The following SKP2 variants were observed in gnomAD, a reference collection of about 807,000 sequenced individuals.
SKP2 encodes the protein S-phase kinase-associated protein 2.
In SKP2, 16 loss-of-function variants were observed where a neutral mutation model predicts 51.8. The observed-to-expected ratio is 0.31, with a 90% CI of 0.21 to 0.47. The LOEUF (loss-of-function observed/expected upper bound fraction) is 0.47. SKP2 is among the 20% of genes least tolerant of loss of function. The pLI, the probability that SKP2 is intolerant of heterozygous loss-of-function variation, is 1.00. For missense variants in SKP2, 377 were observed against 505.3 expected, an observed-to-expected ratio of 0.75 and a Z score of 2.43; for synonymous variants, 176 against 198.6, an observed-to-expected ratio of 0.89 and a Z score of 0.96.
chr5:36,173,925 G>A (rs1294170361), intron 7 of SKP2, among the ~76,000 whole-genome samples: 1 of 152,134 alleles, frequency 6.6e-6, no homozygotes, highest in Non-Finnish European at 1.5e-5. Context: ...ACTTGAGCAA[G>A]TTGCTAAACT....
rs991954559 is a variant in SKP2, at chr5:36,152,150, G to C, written c.-113G>C. 2.7e-6 allele frequency: 3 copies of C among 1,115,182 alleles called. No individual in the cohort carries two copies. The highest frequency in any genetic ancestry group is 1.7e-5 in the Admixed American group (1 of 58,012). The allele number at this position is 1,115,182 out of a possible 1,614,324, so 69.1% of individuals were successfully genotyped here. A position where few individuals can be genotyped will look rare whatever the true frequency, so the allele number is the denominator to read the frequency against. On this transcript the variant is annotated 5_prime_UTR_variant, in exon 1 of 10. Transcript: ENST00000274255. ...GTTGCTAGGCTTAGCGGGTCTGGCTGCTGGGGGCCCGAGCAGCACGCTCGG... is the reference window on the plus strand; with the variant it reads ...GTTGCTAGGCTTAGCGGGTCTGGCTCCTGGGGGCCCGAGCAGCACGCTCGG...
chr5:36,162,959 G>C (rs1317317412), intron 2 of SKP2, among the ~76,000 whole-genome samples: 2 of 152,068 alleles, frequency 1.3e-5, no homozygotes, highest in African/African-American at 4.8e-5. Context: ...AGATCTTGTG[G>C]GAACTCACTT....
chr5:36,159,804 C>T (rs1241625897), intron 2 of SKP2, among the ~76,000 whole-genome samples: 1 of 152,220 alleles, frequency 6.6e-6, no homozygotes, highest in Non-Finnish European at 1.5e-5. Flanking sequence ...AAATAAACTA[C>T]TTGAAGTCAG....
In SKP2 at chr5:36,182,045, G is replaced by A. The variant is rs534948142; in HGVS notation, c.*14G>A. 1.2e-6 allele frequency: 2 copies of A among 1,613,206 alleles called. No homozygotes were observed. Among genetic ancestry groups the A allele is most frequent in the African/African-American group, 1.3e-5 (1 of 75,038 alleles). On this transcript the variant is annotated 3_prime_UTR_variant, in exon 10 of 10. Transcript: ENST00000274255. ...AGTTGTCTATGAAGTATTTATTGCA[G>A]GATGGTGTCTCTTCTTTAGAACAGG...
chr5:36,158,829 G>T (rs569536848), intron 2 of SKP2, among the ~76,000 whole-genome samples: 1 of 152,082 alleles, frequency 6.6e-6, no homozygotes, highest in African/African-American at 2.4e-5. Flanking sequence ...TTTTCTTGAA[G>T]CCCCAGCCCC....
rs929423636 is a variant in SKP2 at position 36,152,802 on chromosome 5, A to G, written c.40A>G (p.Ser14Gly). ...KHLQEIPDLS[S>G]NVATSFTWGW... ...CCTCCAGGAGATTCCAGACCTGAGT[A>G]GCAACGTTGCCACCAGCTTCACGTG... is the stretch of plus-strand genomic sequence containing the variant. Residue 14 changes from serine (S) to glycine (G), a missense_variant, in exon 2 of 10, where the codon AGC (serine) becomes GGC (glycine). By Grantham distance (56) the Ser-to-Gly change is moderately conservative (BLOSUM62 0). This residue lies in a region of SKP2 where 115 missense variants were observed against 115.5 expected (regional missense o/e 1.00). Coordinates refer to ENST00000274255, the MANE Select transcript of SKP2 (RefSeq NM_005983.4). The G allele has an allele frequency of 6.2e-7, 1 of 1,614,022 alleles. No homozygotes were observed. Among genetic ancestry groups the G allele is most frequent in the Non-Finnish European group, 8.5e-7 (1 of 1,180,006 alleles).
chr5:36,175,017 A>T (rs1035885419), intron 7 of SKP2, among the ~76,000 whole-genome samples: 3 of 152,112 alleles, frequency 2.0e-5, no homozygotes, highest in African/African-American at 7.2e-5. Flanking sequence ...GAGCAATATG[A>T]CTGACTTCAT....
intron 2 of SKP2, among the ~76,000 whole-genome samples, chr5:36,154,732 G>A (rs376051846): frequency 1.4e-4 from 22 of 152,040 alleles, no homozygotes; most frequent in Non-Finnish European, 4.4e-5. Context: ...TTGCGGGGGC[G>A]TTCTCACCAT....
chr5:36,172,578 G>A (rs1007034730), intron 7 of SKP2, among the ~76,000 whole-genome samples: 3 of 152,146 alleles, frequency 2.0e-5, no homozygotes, highest in African/African-American at 7.2e-5. Context: ...CTTGATGTTA[G>A]TACTAGCTTA....
At chr5:36,177,635 T>C (rs1745676620) in intron 9 of SKP2, among the ~76,000 whole-genome samples, 1 of 150,976 alleles carries the variant, frequency 6.6e-6, no homozygotes, top group Non-Finnish European at 1.5e-5. Context: ...TGGGTTAGTG[T>C]CTTTTTTTTT....
At chr5:36,175,352 G>A (rs2111998082) in intron 7 of SKP2, among the ~76,000 whole-genome samples, 1 of 152,158 alleles carries the variant, frequency 6.6e-6, no homozygotes, top group South Asian at 2.1e-4. Flanking sequence ...AAATTTAGAG[G>A]CCTATCTCAT....
intron 4 of SKP2, 41 bp downstream of exon 4, chr5:36,166,703 T>G: frequency 6.4e-7 from 1 of 1,555,778 alleles, no homozygotes; most frequent in Non-Finnish European, 8.8e-7. Context: ...TTTCTAAATT[T>G]CGAGGTAGAA....
At chr5:36,172,984 A>G (rs1263748292) in intron 7 of SKP2, among the ~76,000 whole-genome samples, 1 of 152,144 alleles carries the variant, frequency 6.6e-6, no homozygotes, top group African/African-American at 2.4e-5. Context: ...AATACAGAAA[A>G]ACACAAAGGG....
chr5:36,177,056 A>G (rs1173516520), intron 8 of SKP2, 40 bp downstream of exon 8: 1 of 1,463,826 alleles, frequency 6.8e-7, no homozygotes, highest in African/African-American at 1.4e-5. Context: ...AAAGTTGAAA[A>G]ATCTTGATTT....
In SKP2 at chr5:36,153,045, A is replaced by G. The variant is rs1561529235; in HGVS notation, c.280+3A>G. ...GCTAAATCGAGAGAACTTTCCAGGT[A>G]AGGACATGAGGGTAAAAATGTCAGT... is the stretch of plus-strand genomic sequence containing the variant. On this transcript the variant is annotated splice_donor_region_variant and intron_variant, in intron 2 of 9. Transcript: ENST00000274255. 1 of 1,613,536 alleles carries G rather than the reference A, an allele frequency of 6.2e-7. No individual in the cohort carries two copies. The highest frequency in any genetic ancestry group is 1.7e-5 in the Admixed American group (1 of 59,994).
intron 2 of SKP2, chr5:36,154,977 G>T (rs537284511): frequency 1.3e-5 from 2 of 152,328 alleles, no homozygotes; most frequent in African/African-American, 4.8e-5. Flanking sequence ...TCAGGTGGGG[G>T]ATGATGGCGA....
In SKP2 at chr5:36,183,337, G is replaced by GC. The variant is rs1460042509; in HGVS notation, c.*1307dup. On this transcript the variant is annotated 3_prime_UTR_variant, in exon 10 of 10. Coordinates refer to ENST00000274255, the MANE Select transcript of SKP2 (RefSeq NM_005983.4). The stretch of plus-strand genomic sequence containing the variant: ...GCCGGAGTGCAGTGGTGCGATCTCG[G>GC]CTCACTGCAAGCTCCGCCTCCCAGG... 3.0e-6 allele frequency: 1 copy of GC among 336,610 alleles called. No homozygotes were observed. The highest frequency in any genetic ancestry group is 1.7e-4 in the East Asian group (1 of 5,888). 20.9% of individuals were successfully genotyped at this position (336,610 alleles called of 1,614,324 possible).
intron 4 of SKP2, among the ~76,000 whole-genome samples, 168 bp downstream of exon 4, chr5:36,166,830 C>G (rs1053247726): frequency 2.6e-5 from 4 of 151,396 alleles, no homozygotes; most frequent in African/African-American, 9.7e-5. Flanking sequence ...GTGCTAAAAC[C>G]TAGCATAGAT....
At chr5:36,192,048 ATTCAGATTAACACTTAAAATATGCTT>A (rs1746036814) in intron 6 of SKP2, among the ~76,000 whole-genome samples, 1 of 152,204 alleles carries the variant, frequency 6.6e-6, no homozygotes, top group African/African-American at 2.4e-5. Flanking sequence ...TATTTAAGGT[ATTCAGATTAACACTTAAAATATGCTT>A]TTCTACTTTT....
Sources: gnomAD v4.1 joint callset for allele counts (sites outside exome capture counted in the v4.1 genomes callset) on GRCh38, gnomAD v4.1.1 for gene constraint, gnomAD v4.1.1 regional missense constraint, MANE v1.5 for transcripts, NCBI Gene and HGNC (gene_info 2026-07-23, HGNC 2026-07-21) for gene names.